The following KCNH7 variants were observed in gnomAD, a reference collection of about 807,000 sequenced individuals.
The protein encoded by KCNH7 is potassium voltage-gated channel subfamily H member 7.
A neutral mutation model predicts 120.8 loss-of-function variants in KCNH7; 49 were observed. That is an observed-to-expected ratio of 0.41 (90% CI 0.32 to 0.51). KCNH7 has a LOEUF of 0.51. Ranked by LOEUF, KCNH7 falls within the 20% of genes least tolerant of loss-of-function variation. The pLI is 0.38. For synonymous variants in KCNH7, 547 were observed against 516.1 expected, an observed-to-expected ratio of 1.06 and a Z score of -0.81; for missense variants, 1,097 against 1,446.6, an observed-to-expected ratio of 0.76 and a Z score of 3.92.
intron 2 of KCNH7, among the ~76,000 whole-genome samples, chr2:162,756,440 T>G (rs1246226363): frequency 6.6e-6 from 1 of 152,110 alleles, no homozygotes; most frequent in Non-Finnish European, 1.5e-5. Context: ...GAGGAAAATT[T>G]CAACTCTTTT....
chr2:162,838,073 A>G (rs554693839), intron 1 of KCNH7, among the ~76,000 whole-genome samples: 5 of 152,336 alleles, frequency 3.3e-5, no homozygotes, highest in South Asian at 2.1e-4. Flanking sequence ...TTCGAATAGT[A>G]TGGTCTGCTC....
chr2:162,568,093 G>A (rs1693321811), intron 2 of KCNH7, among the ~76,000 whole-genome samples: 1 of 151,910 alleles, frequency 6.6e-6, no homozygotes, highest in South Asian at 2.1e-4. Context: ...GAGCAAACAT[G>A]TCCTTCTTCA....
chr2:162,524,406 G>C (rs542503736), intron 3 of KCNH7, among the ~76,000 whole-genome samples: 1 of 152,108 alleles, frequency 6.6e-6, no homozygotes, highest in East Asian at 2.0e-4. Context: ...AGTGTACCTG[G>C]AACAGCTGGT....
chr2:162,445,928 T>C, intron 7 of KCNH7, 90 bp downstream of exon 7: 1 of 994,068 alleles, frequency 1.0e-6, no homozygotes. Flanking sequence ...TACAAGAAGC[T>C]TGCAAAGCAA....
chr2:162,593,041 A>G (rs999594217), intron 2 of KCNH7, among the ~76,000 whole-genome samples: 5 of 152,132 alleles, frequency 3.3e-5, no homozygotes, highest in African/African-American at 9.6e-5. Flanking sequence ...TATCATTTAT[A>G]TCTCTGCCAA....
intron 2 of KCNH7, among the ~76,000 whole-genome samples, chr2:162,767,318 G>C (rs1474800632): frequency 6.6e-6 from 1 of 151,998 alleles, no homozygotes; most frequent in African/African-American, 2.4e-5. Context: ...AAATTTTAAA[G>C]TTATATCGGA....
intron 6 of KCNH7, among the ~76,000 whole-genome samples, chr2:162,457,054 T>G (rs927013559): frequency 6.6e-6 from 1 of 152,144 alleles, no homozygotes; most frequent in African/African-American, 2.4e-5. Context: ...TTTTATAAGG[T>G]CTACTCCTAT....
At chr2:162,380,827 G>C (rs1686392612) in intron 13 of KCNH7, among the ~76,000 whole-genome samples, 2 of 152,092 alleles carry the variant, frequency 1.3e-5, no homozygotes, top group South Asian at 4.1e-4. Flanking sequence ...GGAGACCATA[G>C]ACCCCGAACT....
intron 2 of KCNH7, among the ~76,000 whole-genome samples, chr2:162,681,872 T>C (rs1685723822): frequency 6.6e-6 from 1 of 151,478 alleles, no homozygotes. Context: ...TATATGCATT[T>C]GGAAGACAGT....
chr2:162,408,534 C>G (rs772164345), intron 9 of KCNH7, among the ~76,000 whole-genome samples: 5 of 151,950 alleles, frequency 3.3e-5, no homozygotes, highest in Non-Finnish European at 7.4e-5. Flanking sequence ...GCTGTGTGTG[C>G]TCCAAACCTA....
chr2:162,483,343 T>G (rs1689989805), intron 6 of KCNH7, among the ~76,000 whole-genome samples: 1 of 152,160 alleles, frequency 6.6e-6, no homozygotes, highest in Admixed American at 6.6e-5. Flanking sequence ...AAATCAAGTT[T>G]CAGACTATTT....
At chr2:162,786,315 G>A (rs572468227) in intron 2 of KCNH7, among the ~76,000 whole-genome samples, 3 of 149,044 alleles carry the variant, frequency 2.0e-5, no homozygotes, top group Non-Finnish European at 4.5e-5. Flanking sequence ...GCCAGCTACT[G>A]TTTCATGAGC....
chr2:162,510,092 T>A (rs1306501899), intron 5 of KCNH7, among the ~76,000 whole-genome samples: 2 of 151,568 alleles, frequency 1.3e-5, no homozygotes, highest in Non-Finnish European at 3.0e-5. Context: ...ATTAGAGAAG[T>A]TGTTAAAAAA....
intron 2 of KCNH7, among the ~76,000 whole-genome samples, chr2:162,550,886 G>GATAATA (rs34251777): frequency 0.013 from 1,950 of 147,870 alleles, 29 homozygotes; most frequent in South Asian, 0.027. Flanking sequence ...AACTAGGCTA[G>GATAATA]ATAATAATAA....
chr2:162,795,399 C>T (rs1227165768), intron 2 of KCNH7: 1 of 151,968 alleles, frequency 6.6e-6, no homozygotes, highest in Admixed American at 6.6e-5. Flanking sequence ...ATTTCAGGGA[C>T]ACCCTCTTTT....
At chr2:162,594,833 A>G (rs919286220) in intron 2 of KCNH7, among the ~76,000 whole-genome samples, 5 of 152,048 alleles carry the variant, frequency 3.3e-5, no homozygotes, top group South Asian at 2.1e-4. Flanking sequence ...AAACTTGAGT[A>G]TCTGTGGACT....
chr2:162,398,942 A>T (rs1427347994), intron 10 of KCNH7, among the ~76,000 whole-genome samples: 1 of 151,906 alleles, frequency 6.6e-6, no homozygotes, highest in Non-Finnish European at 1.5e-5. Context: ...AAATTATCAA[A>T]ATATATAAGA....
At chr2:162,444,369 T>C (rs1688516879) in intron 7 of KCNH7, among the ~76,000 whole-genome samples, 2 of 152,260 alleles carry the variant, frequency 1.3e-5, no homozygotes, top group South Asian at 2.1e-4. Flanking sequence ...ATGCAGAAAA[T>C]AGAACTGAGA....
intron 2 of KCNH7, among the ~76,000 whole-genome samples, chr2:162,627,591 G>A (rs527930702): frequency 1.1e-4 from 16 of 152,202 alleles, no homozygotes; most frequent in African/African-American, 3.6e-4. Flanking sequence ...AAAACTGAAG[G>A]CTATGAGACT....
Sources: allele counts gnomAD v4.1 joint callset (sites outside exome capture counted in the v4.1 genomes callset), GRCh38; gene constraint gnomAD v4.1.1; transcripts MANE v1.5; gene names NCBI Gene and HGNC (gene_info 2026-07-23, HGNC 2026-07-21).